Variants in GART observed in about 807,000 individuals in gnomAD.
The protein encoded by GART is phosphoribosylglycinamide formyltransferase, phosphoribosylglycinamide synthetase, phosphoribosylaminoimidazole synthetase.
Under a neutral mutation model 107.2 loss-of-function variants are expected in GART, and 43 were observed. That is an observed-to-expected ratio of 0.40 (90% CI 0.31 to 0.52). GART has a LOEUF of 0.52. GART is among the 20% of genes least tolerant of loss of function. GART has a pLI of 0.52. For synonymous variants in GART, 434 were observed against 427.0 expected, an observed-to-expected ratio of 1.02 and a Z score of -0.20; for missense variants, 1,107 against 1,206.5, an observed-to-expected ratio of 0.92 and a Z score of 1.22.
chr21:33,539,218 G>A lies in GART; in HGVS notation c.98C>T (p.Ala33Val). The part of the protein sequence containing the change: ...QSHHVKQVLV[A>V]PGNAGTACSE... The stretch of plus-strand genomic sequence containing the variant: ...GCAGGCAGTGCCTGCGTTTCCTGGG[G>A]CAACCAACACTTGTTTGACATGATG... The change falls in exon 2 of 22, where the codon GCC (alanine) becomes GTC (valine). Residue 33 changes from alanine to valine, a missense_variant. Ala to Val is a moderately conservative substitution (Grantham distance 64). Transcript: ENST00000381815. 6.2e-7 allele frequency: 1 copy of A among 1,614,142 alleles called. No homozygotes were observed. Among genetic ancestry groups the A allele is most frequent in the Non-Finnish European group, 8.5e-7 (1 of 1,180,002 alleles).
chr21:33,518,236 A>G (rs1156620003), intron 14 of GART, among the ~76,000 whole-genome samples: 3 of 152,230 alleles, frequency 2.0e-5, no homozygotes, highest in Non-Finnish European at 2.9e-5. Context: ...TAATCCCAGC[A>G]CTTTGGGAGG....
At chr21:33,539,688 C>A (rs1266343963) in intron 1 of GART, among the ~76,000 whole-genome samples, 2 of 148,576 alleles carry the variant, frequency 1.3e-5, no homozygotes, top group Non-Finnish European at 1.5e-5. Flanking sequence ...GCAAGACCAT[C>A]TCAAAAAAAA....
At chr21:33,512,755 T>C (rs1192097008) in intron 16 of GART, among the ~76,000 whole-genome samples, 1 of 27,948 alleles carries the variant, frequency 3.6e-5, no homozygotes, top group Non-Finnish European at 5.4e-5. Flanking sequence ...TGCCTGGCTA[T>C]TTAAAAAATT....
rs1015927485 is a variant in GART at position 33,516,307 on chromosome 21, T to C, written c.2107+682A>G. On this transcript the variant is annotated intron_variant, in intron 16 of 21. Coordinates refer to ENST00000381815, the MANE Select transcript of GART (RefSeq NM_000819.5). ...TCCCATGTTGGTTTGATGATAATAC[T>C]TTTACATGGTTTACCCACTACTTTG... Among the ~76,000 whole-genome samples, 6 of 151,580 alleles carry C rather than the reference T, an allele frequency of 4.0e-5. 1 individual carries two copies. The highest frequency in any genetic ancestry group is 1.5e-4 in the African/African-American group (6 of 41,276).
intron 2 of GART, among the ~76,000 whole-genome samples, chr21:33,536,951 T>C (rs2085318341): frequency 6.6e-6 from 1 of 152,220 alleles, no homozygotes; most frequent in South Asian, 2.1e-4. Flanking sequence ...AAATTGTGGA[T>C]AGGCTGGTGA....
intron 18 of GART, 116 bp downstream of exon 18, chr21:33,509,667 A>G: frequency 9.7e-7 from 1 of 1,030,462 alleles, no homozygotes; most frequent in Non-Finnish European, 1.4e-6. Flanking sequence ...GACAACCCTC[A>G]TGATTCCCCC....
At chr21:33,521,540 G>T (rs529704316) in intron 12 of GART, among the ~76,000 whole-genome samples, 4 of 150,714 alleles carry the variant, frequency 2.7e-5, no homozygotes, top group Non-Finnish European at 5.9e-5. Flanking sequence ...GCTGAGGCAG[G>T]AGAATGGCGT....
chr21:33,517,688 C>G, intron 14 of GART, 80 bp from the exon 15 acceptor site: 1 of 1,394,582 alleles, frequency 7.2e-7, no homozygotes, highest in Non-Finnish European at 1.0e-6. Context: ...CTACTCTTAA[C>G]ATGAACAACT....
intron 2 of GART, among the ~76,000 whole-genome samples, chr21:33,537,352 G>A (rs1006519928): frequency 6.6e-6 from 1 of 152,150 alleles, no homozygotes; most frequent in African/African-American, 2.4e-5. Context: ...CCCAGTTTGT[G>A]GCTTGTTGGG....
intron 18 of GART, among the ~76,000 whole-genome samples, chr21:33,508,620 C>G (rs961782688): frequency 1.3e-5 from 2 of 149,312 alleles, no homozygotes; most frequent in African/African-American, 4.9e-5. Flanking sequence ...AGGGTTCAAG[C>G]AATTCTCCTG....
chr21:33,530,251 T>C (rs1484646091), intron 7 of GART, among the ~76,000 whole-genome samples: 8 of 152,374 alleles, frequency 5.3e-5, no homozygotes, highest in South Asian at 4.1e-4. Flanking sequence ...TTGTCTGTTA[T>C]GAAGTAGAAA....
At position 33,504,543 on chromosome 21, in the gene GART, A is replaced by G. The variant is rs372543092; in HGVS notation, c.2726-16T>C. ...AGCATTTTTCCTAAAAATTAAAAAA[A>G]GCATAGTGGTCAGAATTTAAAAATC... On this transcript the variant is annotated splice_polypyrimidine_tract_variant and intron_variant, in intron 20 of 21. Coordinates refer to ENST00000381815, the MANE Select transcript of GART (RefSeq NM_000819.5). The G allele has an allele frequency of 6.4e-7, 1 of 1,553,374 alleles. No individual in the cohort carries two copies. Among genetic ancestry groups the G allele is most frequent in the African/African-American group, 1.4e-5 (1 of 73,428 alleles).
intron 3 of GART, 33 bp downstream of exon 3, chr21:33,535,192 T>A (rs1163893061): frequency 7.4e-7 from 1 of 1,351,296 alleles, no homozygotes; most frequent in Non-Finnish European, 1.0e-6. Context: ...TTGCACTGAA[T>A]ATACTGTAAC....
intron 16 of GART, 117 bp downstream of exon 16, chr21:33,516,872 A>G: frequency 1.1e-6 from 1 of 879,942 alleles, no homozygotes; most frequent in South Asian, 2.0e-5. Flanking sequence ...AAAACCCCCA[A>G]TGATTAAGAA....
chr21:33,513,314 G>A (rs2084822170), intron 16 of GART, among the ~76,000 whole-genome samples: 1 of 151,970 alleles, frequency 6.6e-6, no homozygotes, highest in Admixed American at 6.6e-5. Context: ...GCTCAGGCCT[G>A]TAATCTCAGC....
chr21:33,535,338 A>AAG lies in GART; in HGVS notation c.146-19_146-18insCT. ...TGAGATGGCTGTAAACAGAAAAAAA[A>AAG]AAAAAAAAACCACTGCATTTACAAA... On this transcript the variant is annotated intron_variant, in intron 2 of 21. Transcript: ENST00000381815. 6.9e-7 allele frequency: 1 copy of AAG among 1,439,162 alleles called. No individual in the cohort carries two copies. Among genetic ancestry groups the AAG allele is most frequent in the Non-Finnish European group, 9.3e-7 (1 of 1,077,948 alleles). The allele number at this position is 1,439,162 out of a possible 1,614,324, so 89.1% of individuals were successfully genotyped here.
At chr21:33,525,054 C>A (rs888759367) in intron 10 of GART, 54 bp from the exon 11 acceptor site, 3 of 1,545,600 alleles carry the variant, frequency 1.9e-6, no homozygotes, top group South Asian at 2.4e-5. Flanking sequence ...TATTTCACAC[C>A]GTGAAGTGAT....
chr21:33,509,726 G>A (rs1225960928), intron 18 of GART, 57 bp downstream of exon 18: 8 of 1,571,908 alleles, frequency 5.1e-6, no homozygotes, highest in Admixed American at 1.8e-5. Flanking sequence ...ACAAGAGTGC[G>A]GGGAGGAAAG....
At chr21:33,530,979 T>G in intron 6 of GART, 95 bp from the exon 7 acceptor site, 2 of 1,223,666 alleles carry the variant, frequency 1.6e-6, no homozygotes, top group Non-Finnish European at 2.1e-6. Flanking sequence ...AATTCTTCTT[T>G]GAGGAAAAGT....
Sources: gnomAD v4.1 joint callset for allele counts (sites outside exome capture counted in the v4.1 genomes callset) on GRCh38, gnomAD v4.1.1 for gene constraint, MANE v1.5 for transcripts, NCBI Gene and HGNC (gene_info 2026-07-23, HGNC 2026-07-21) for gene names.